The following MAML2 variants were observed in gnomAD, a reference collection of about 807,000 sequenced individuals.
MAML2 encodes the protein mastermind like transcriptional coactivator 2.
In MAML2, 22 loss-of-function variants were observed where a neutral mutation model predicts 96.1. The ratio of observed to expected loss-of-function variants is 0.23; its 90% CI spans 0.16 to 0.33. MAML2 has a LOEUF of 0.33. Among genes scored for constraint, MAML2 ranks in the 10% least tolerant of loss-of-function variants. MAML2 has a pLI of 1.00. For synonymous variants in MAML2, 561 were observed against 521.3 expected, an observed-to-expected ratio of 1.08 and a Z score of -1.04; for missense variants, 1,367 against 1,392.4, an observed-to-expected ratio of 0.98 and a Z score of 0.29.
At position 96,220,979 on chromosome 11, in the gene MAML2, A is replaced by G. The variant is rs75720597; in HGVS notation, c.513+120404T>C. Among the ~76,000 whole-genome samples, 22 of 152,342 alleles carry G rather than the reference A, an allele frequency of 1.4e-4. No individual in the cohort carries two copies. The East Asian group carries it at 3.9e-3, about 27-fold the overall frequency. ...TGGATCAGTACCCAGTGCCTTTTTCATAACAGGTATTCAATGGGCATTTGT... is the reference window on the plus strand; with the variant it reads ...TGGATCAGTACCCAGTGCCTTTTTCGTAACAGGTATTCAATGGGCATTTGT... On this transcript the variant is annotated intron_variant, in intron 1 of 4. Transcript: ENST00000524717.
At chr11:96,301,938 G>T (rs1863392516) in intron 1 of MAML2, among the ~76,000 whole-genome samples, 1 of 152,164 alleles carries the variant, frequency 6.6e-6, no homozygotes, top group Non-Finnish European at 1.5e-5. Flanking sequence ...TAACATTGAA[G>T]AGCTATTGCG....
intron 2 of MAML2, among the ~76,000 whole-genome samples, chr11:96,030,450 A>T: frequency 6.6e-6 from 1 of 152,192 alleles, no homozygotes; most frequent in East Asian, 1.9e-4. Context: ...CACAAATATA[A>T]GGAAAATTGT....
Position 96,238,850 on chromosome 11 carries a change from G to C in MAML2, c.513+102533C>G, listed in dbSNP as rs892684. Reference sequence around the variant, plus strand: ...CTTGGAGAAACAGAACTAAGCAAGAGAGAATTTAAAAAGGGATTTGTTGAA... The same window carrying C: ...CTTGGAGAAACAGAACTAAGCAAGACAGAATTTAAAAAGGGATTTGTTGAA... On this transcript the variant is annotated intron_variant, in intron 1 of 4. Coordinates refer to ENST00000524717, the MANE Select transcript of MAML2 (RefSeq NM_032427.4). Among the ~76,000 whole-genome samples, 193 of 152,332 alleles carry C rather than the reference G, an allele frequency of 1.3e-3. 5 individuals carry two copies. Among genetic ancestry groups the C allele is most frequent in the Admixed American group, 0.012 (177 of 15,302 alleles).
At chr11:96,328,543 C>T (rs533064796) in intron 1 of MAML2, among the ~76,000 whole-genome samples, 8 of 152,130 alleles carry the variant, frequency 5.3e-5, no homozygotes, top group South Asian at 2.1e-4. Flanking sequence ...AGACACCCCA[C>T]GCCACCCCCC....
At chr11:96,025,723 T>G (rs1858507628) in intron 2 of MAML2, among the ~76,000 whole-genome samples, 1 of 152,112 alleles carries the variant, frequency 6.6e-6, no homozygotes, top group Non-Finnish European at 1.5e-5. Context: ...CCAACTAATT[T>G]TTTTTTTCTT....
At chr11:96,131,939 G>C (rs1179932692) in intron 1 of MAML2, among the ~76,000 whole-genome samples, 1 of 152,208 alleles carries the variant, frequency 6.6e-6, no homozygotes, top group Non-Finnish European at 1.5e-5. Flanking sequence ...GAACCCAGGA[G>C]GTAGAGGTTG....
At chr11:96,150,119 C>T (rs758173752) in intron 1 of MAML2, among the ~76,000 whole-genome samples, 2 of 152,190 alleles carry the variant, frequency 1.3e-5, no homozygotes, top group South Asian at 2.1e-4. Flanking sequence ...CTTGAAATTT[C>T]GTTAACAATT....
rs994807790 is a variant in MAML2, at chr11:96,258,666, G to T, written c.513+82717C>A. Reference sequence around the variant, plus strand: ...ACAGTGGTCTAAGCCAGTGTGCTTAGAAGTTGCCAGATCCTCCATGCTTCA... The same window carrying T: ...ACAGTGGTCTAAGCCAGTGTGCTTATAAGTTGCCAGATCCTCCATGCTTCA... On this transcript the variant is annotated intron_variant, in intron 1 of 4. Coordinates refer to ENST00000524717, the MANE Select transcript of MAML2 (RefSeq NM_032427.4). 3.6e-4 allele frequency among the ~76,000 whole-genome samples: 55 copies of T among 152,210 alleles called. 1 individual carries two copies. The highest frequency in any genetic ancestry group is 7.3e-5 in the Non-Finnish European group (5 of 68,042).
chr11:96,054,842 G>A (rs1293272589), intron 2 of MAML2, among the ~76,000 whole-genome samples: 1 of 152,150 alleles, frequency 6.6e-6, no homozygotes. Context: ...ACATGAACAG[G>A]AAGGGATTTC....
intron 1 of MAML2, among the ~76,000 whole-genome samples, chr11:96,253,666 A>G (rs1452565437): frequency 1.3e-5 from 2 of 152,232 alleles, no homozygotes; most frequent in African/African-American, 4.8e-5. Flanking sequence ...TTTCCTCAAG[A>G]AAAGGCAAAG....
intron 1 of MAML2, among the ~76,000 whole-genome samples, chr11:96,263,680 C>G (rs1862781501): frequency 1.3e-5 from 2 of 152,198 alleles, no homozygotes; most frequent in Admixed American, 1.3e-4. Flanking sequence ...TACAGTACAT[C>G]CTCTAGCCAC....
intron 2 of MAML2, among the ~76,000 whole-genome samples, chr11:96,025,900 C>T (rs1250440124): frequency 6.6e-6 from 1 of 152,166 alleles, no homozygotes; most frequent in Admixed American, 6.5e-5. Context: ...CTGTTATAGC[C>T]TCTGATTATA....
intron 1 of MAML2, among the ~76,000 whole-genome samples, chr11:96,249,400 G>A (rs990343939): frequency 5.3e-5 from 8 of 152,000 alleles, no homozygotes; most frequent in South Asian, 2.1e-4. Context: ...CAGCCCTTGC[G>A]CATGAATTCC....
chr11:96,283,681 T>G (rs749642808), intron 1 of MAML2, among the ~76,000 whole-genome samples: 19 of 152,226 alleles, frequency 1.2e-4, no homozygotes, highest in Non-Finnish European at 2.4e-4. Context: ...CTCTACGTTC[T>G]GAAGTCCAGC....
At chr11:96,261,906 A>G (rs148698630) in intron 1 of MAML2, among the ~76,000 whole-genome samples, 31 of 152,380 alleles carry the variant, frequency 2.0e-4, no homozygotes, top group African/African-American at 6.7e-4. Context: ...ATGAACAAAT[A>G]TTTAAATTCT....
chr11:96,216,930 G>A (rs1862058527), intron 1 of MAML2, among the ~76,000 whole-genome samples: 2 of 152,180 alleles, frequency 1.3e-5, no homozygotes, highest in Admixed American at 6.5e-5. Flanking sequence ...AATTCCACCA[G>A]GGGCAGGAGG....
chr11:96,073,243 A>G (rs1859375048), intron 2 of MAML2, among the ~76,000 whole-genome samples: 1 of 152,060 alleles, frequency 6.6e-6, no homozygotes, highest in Admixed American at 6.6e-5. Context: ...TTTGGCATTT[A>G]CAGTCTCCTG....
chr11:96,140,854 T>C (rs533348), intron 1 of MAML2, among the ~76,000 whole-genome samples: 127,488 of 152,134 alleles, frequency 0.84, 53,639 homozygotes, highest in East Asian at 0.97. Flanking sequence ...TCACGGGCCA[T>C]GCTAGGAGCT....
chr11:96,182,370 C>T (rs1033332207), intron 1 of MAML2, among the ~76,000 whole-genome samples: 1 of 152,196 alleles, frequency 6.6e-6, no homozygotes, highest in African/African-American at 2.4e-5. Context: ...TCAGGCAGAT[C>T]GCTAGGCACT....
Sources: gnomAD v4.1 joint callset for allele counts (sites outside exome capture counted in the v4.1 genomes callset) on GRCh38, gnomAD v4.1.1 for gene constraint, MANE v1.5 for transcripts, NCBI Gene and HGNC (gene_info 2026-07-23, HGNC 2026-07-21) for gene names.